Variants in ERICH6B observed in about 807,000 individuals in gnomAD.
ERICH6B encodes glutamate rich 6B.
A neutral mutation model predicts 80.0 loss-of-function variants in ERICH6B; 69 were observed. The observed-to-expected ratio is 0.86, with a 90% CI of 0.71 to 1.05. The LOEUF is 1.05. ERICH6B is among the 50% of genes least tolerant of loss of function. ERICH6B has a pLI of 0.00. For synonymous variants in ERICH6B, 283 were observed against 291.9 expected (o/e 0.97, Z 0.31); for missense variants, 754 against 796.1 (o/e 0.95, Z 0.64).
intron 11 of ERICH6B, among the ~76,000 whole-genome samples, chr13:45,554,226 T>C (rs1248978140): frequency 6.6e-6 from 1 of 152,238 alleles, no homozygotes; most frequent in Non-Finnish European, 1.5e-5. Flanking sequence ...TATTTGACTT[T>C]CTGTGCCTGG....
chr13:45,605,879 A>C (rs922442718), intron 2 of ERICH6B, among the ~76,000 whole-genome samples: 2 of 152,254 alleles, frequency 1.3e-5, no homozygotes, highest in Non-Finnish European at 2.9e-5. Flanking sequence ...TTTTCCTTTA[A>C]AGATTGAACA....
chr13:45,563,263 G>C (rs541380571), intron 10 of ERICH6B, among the ~76,000 whole-genome samples: 2 of 152,144 alleles, frequency 1.3e-5, no homozygotes, highest in Non-Finnish European at 2.9e-5. Flanking sequence ...TGGTCCCACA[G>C]TGTCCCCTTC....
chr13:45,583,816 C>G (rs556375559), intron 5 of ERICH6B, among the ~76,000 whole-genome samples: 32 of 152,304 alleles, frequency 2.1e-4, no homozygotes, highest in African/African-American at 7.2e-4. Flanking sequence ...GCCTCCCCAG[C>G]CACGTGGAAC....
intron 1 of ERICH6B, among the ~76,000 whole-genome samples, chr13:45,610,651 T>C (rs1195257334): frequency 1.3e-5 from 2 of 152,236 alleles, no homozygotes; most frequent in Non-Finnish European, 2.9e-5. Flanking sequence ...CTATTGCTTC[T>C]ATGCTACAAG....
At chr13:45,568,182 C>A in intron 9 of ERICH6B, 133 bp downstream of exon 9, 3 of 1,007,260 alleles carry the variant, frequency 3.0e-6, no homozygotes, top group Non-Finnish European at 4.2e-6. Flanking sequence ...CCTGTTCCTG[C>A]TCCTTGACTC....
intron 13 of ERICH6B, among the ~76,000 whole-genome samples, chr13:45,545,646 C>T (rs952855439): frequency 1.3e-5 from 2 of 152,206 alleles, no homozygotes; most frequent in African/African-American, 4.8e-5. Context: ...TCAGAAGTGT[C>T]ATGTGACTTG....
chr13:45,590,196 C>T (rs979961968), intron 4 of ERICH6B, among the ~76,000 whole-genome samples: 2 of 151,450 alleles, frequency 1.3e-5, no homozygotes, highest in Admixed American at 1.3e-4. Context: ...TTTCATTGAC[C>T]ATCTAGTGTG....
In ERICH6B at chr13:45,561,369, C is replaced by T. The variant is rs1342268634; in HGVS notation, c.1407G>A (p.Val469=). 2 of 1,551,916 alleles carry T rather than the reference C, an allele frequency of 1.3e-6. No individual in the cohort carries two copies. The highest frequency in any genetic ancestry group is 2.0e-5 in the Admixed American group (1 of 50,974). The change falls in exon 11 of 15, where the codon GTG becomes GTA. Residue 469 remains valine (V), a splice_region_variant and synonymous_variant. Transcript: ENST00000298738. Reference sequence around the variant, plus strand: ...AACAGCAATGTACTGTCCCTCTTACCACTGTCTTCTTCTGTATCCATTCCT... The same window carrying T: ...AACAGCAATGTACTGTCCCTCTTACTACTGTCTTCTTCTGTATCCATTCCT... ...RDKEWIQKKT[V]VHQGDGKLIL... is the part of the protein sequence containing the mutation.
At chr13:45,592,933 G>A (rs1876214697) in intron 3 of ERICH6B, among the ~76,000 whole-genome samples, 1 of 152,118 alleles carries the variant, frequency 6.6e-6, no homozygotes, top group African/African-American at 2.4e-5. Context: ...TGCACATGGG[G>A]AAACTGAAAC....
intron 13 of ERICH6B, among the ~76,000 whole-genome samples, chr13:45,545,789 AGCTGAGCAGAAGGGCAGAGCGT>A (rs1289150282): frequency 9.9e-5 from 15 of 151,978 alleles, no homozygotes; most frequent in African/African-American, 3.4e-4. Flanking sequence ...TCTGCAGGAG[AGCTGAGCAGAAGGGCAGAGCGT>A]GGCCTTGTTC....
chr13:45,596,253 T>C, intron 3 of ERICH6B, 116 bp downstream of exon 3: 1 of 1,292,786 alleles, frequency 7.7e-7, no homozygotes, highest in Middle Eastern at 2.7e-4. Flanking sequence ...TTACCATCCT[T>C]TGGGATGCCC....
intron 1 of ERICH6B, among the ~76,000 whole-genome samples, chr13:45,615,312 T>C (rs1288283542): frequency 6.6e-6 from 1 of 152,206 alleles, no homozygotes; most frequent in Non-Finnish European, 1.5e-5. Context: ...GACTGGTCTA[T>C]ATTCAGGCTG....
In ERICH6B at chr13:45,568,417, G is replaced by A; in HGVS notation, c.1085C>T (p.Thr362Ile). The A allele has an allele frequency of 1.3e-6, 2 of 1,549,166 alleles. No individual in the cohort carries two copies. Among genetic ancestry groups the A allele is most frequent in the African/African-American group, 2.7e-5 (2 of 73,012 alleles). The change falls in exon 9 of 15, where the codon ACA (threonine) becomes ATA (isoleucine). Residue 362 changes from threonine (T) to isoleucine (I), a missense_variant. By Grantham distance (89) the Thr-to-Ile change is moderately conservative. Transcript: ENST00000298738. ...GTGAGCAGCCATTTCTTTGATTATTGTTTTAAATACTGTCTGATAGGAGCT... is the reference window on the plus strand; with the variant it reads ...GTGAGCAGCCATTTCTTTGATTATTATTTTAAATACTGTCTGATAGGAGCT... ...LNSSYQTVFKTIIKEMAAHNE... is the reference protein window; with the variant it reads ...LNSSYQTVFKIIIKEMAAHNE...
intron 14 of ERICH6B, among the ~76,000 whole-genome samples, chr13:45,543,629 T>C (rs999070415): frequency 5.9e-5 from 9 of 152,196 alleles, no homozygotes; most frequent in African/African-American, 1.9e-4. Flanking sequence ...CATTGGAGCC[T>C]CTGGAGGATG....
intron 8 of ERICH6B, among the ~76,000 whole-genome samples, chr13:45,571,451 T>C (rs534081751): frequency 6.6e-6 from 1 of 152,136 alleles, no homozygotes. Flanking sequence ...CCTAGGCTCA[T>C]GTGTAAACAC....
chr13:45,559,368 TTTTC>T (rs564988034), intron 11 of ERICH6B, among the ~76,000 whole-genome samples: 183 of 152,210 alleles, frequency 1.2e-3, no homozygotes, highest in African/African-American at 4.1e-3. Flanking sequence ...TTTGTTTCAT[TTTTC>T]TTTCTTTTTG....
chr13:45,577,465 G>T (rs1875465205), intron 7 of ERICH6B, among the ~76,000 whole-genome samples: 1 of 151,786 alleles, frequency 6.6e-6, no homozygotes, highest in Non-Finnish European at 1.5e-5. Context: ...TGTAGTTTTA[G>T]TAGAGACGGG....
At chr13:45,553,095 A>G in intron 11 of ERICH6B, 1 of 341,154 alleles carries the variant, frequency 2.9e-6, no homozygotes, top group Admixed American at 3.8e-5. Context: ...GACATTCCTT[A>G]AACTGTTTTA....
At chr13:45,580,424 C>A (rs1875607348) in intron 6 of ERICH6B, among the ~76,000 whole-genome samples, 179 bp downstream of exon 6, 1 of 152,190 alleles carries the variant, frequency 6.6e-6, no homozygotes. Context: ...AGCCTGGAGC[C>A]TCAACATTAA....
Sources: gnomAD v4.1 joint callset for allele counts (sites outside exome capture counted in the v4.1 genomes callset) on GRCh38, gnomAD v4.1.1 for gene constraint, MANE v1.5 for transcripts, NCBI Gene and HGNC (gene_info 2026-07-23, HGNC 2026-07-21) for gene names.